Variants in ABCC10 observed in about 807,000 individuals in gnomAD.
The protein encoded by ABCC10 is ATP-binding cassette sub-family C member 10.
Under a neutral mutation model 143.2 loss-of-function variants are expected in ABCC10, and 110 were observed. The ratio of observed to expected loss-of-function variants is 0.77; its 90% CI spans 0.66 to 0.90. The LOEUF (loss-of-function observed/expected upper bound fraction) is 0.90. Among genes scored for constraint, ABCC10 ranks in the 40% least tolerant of loss-of-function variants. The probability of loss-of-function intolerance (pLI) is 0.00; values close to 1 mark genes in which losing one functional copy is unlikely to be tolerated. For synonymous variants in ABCC10, 805 were observed against 846.7 expected, an observed-to-expected ratio of 0.95 and a Z score of 0.85; for missense variants, 1,700 against 1,900.5, an observed-to-expected ratio of 0.89 and a Z score of 1.96.
intron 2 of ABCC10, chr6:43,431,637 C>T (rs776691029): frequency 8.6e-6 from 2 of 231,440 alleles, no homozygotes; most frequent in Non-Finnish European, 1.4e-5. Flanking sequence ...GCTAGGATTA[C>T]AGGCGTGAGC....
chr6:43,446,075 C>T (rs1369135553), intron 15 of ABCC10, 133 bp downstream of exon 15: 2 of 1,206,774 alleles, frequency 1.7e-6, no homozygotes, highest in Non-Finnish European at 2.3e-6. Flanking sequence ...AGGAAAGCAA[C>T]AGAAGAAGGA....
chr6:43,448,191 AC>A (rs1306224495), intron 18 of ABCC10: 1 of 627,656 alleles, frequency 1.6e-6, no homozygotes, highest in Non-Finnish European at 2.9e-6. Context: ...TGTACTTCCT[AC>A]CATACACCCT....
chr6:43,439,966 CGT>C (rs1782186581), intron 8 of ABCC10, among the ~76,000 whole-genome samples: 4 of 150,590 alleles, frequency 2.7e-5, no homozygotes, highest in Admixed American at 2.6e-4. Flanking sequence ...TTTACTTTTT[CGT>C]GTGTGTGAGA....
At chr6:43,446,052 G>C (rs1783037083) in intron 15 of ABCC10, 110 bp downstream of exon 15, 2 of 1,293,598 alleles carry the variant, frequency 1.5e-6, no homozygotes, top group Admixed American at 5.2e-5. Context: ...CTGGGGACAA[G>C]GGATGGGGAA....
intron 18 of ABCC10, chr6:43,448,176 T>C: frequency 1.5e-6 from 1 of 674,330 alleles, no homozygotes; most frequent in Non-Finnish European, 2.7e-6. Flanking sequence ...CAGCTTCATC[T>C]TTCTTGTACT....
chr6:43,432,494 C>A lies in ABCC10; in HGVS notation c.514C>A (p.Leu172Ile). 6.2e-7 allele frequency: 1 copy of A among 1,612,082 alleles called. No individual in the cohort carries two copies. Among genetic ancestry groups the A allele is most frequent in the South Asian group, 1.1e-5 (1 of 91,088 alleles). Residue 172 changes from leucine to isoleucine, a missense_variant, in exon 3 of 22, where the codon CTA (leucine) becomes ATA (isoleucine). Physicochemically the swap from Leu to Ile is conservative, Grantham distance 5. Transcript: ENST00000372530. ...ACTTCTCCCAGGGCCCATGGCCCGC[C>A]TATGCTTGCTCATCCTGCAGCTGGC... ...PPLLPGPMAR[L>I]CLLILQLAAL...
In ABCC10 at chr6:43,428,133, C is replaced by T; in HGVS notation, c.155C>T (p.Thr52Ile). The T allele has an allele frequency of 6.5e-7, 1 of 1,535,658 alleles. No individual in the cohort carries two copies. The highest frequency in any genetic ancestry group is 8.8e-7 in the Non-Finnish European group (1 of 1,142,838). Residue 52 changes from threonine (T) to isoleucine (I), a missense_variant, in exon 2 of 22, where the codon ACC (threonine) becomes ATC (isoleucine). Physicochemically the swap from Thr to Ile is moderately conservative, Grantham distance 89. Coordinates refer to ENST00000372530, the MANE Select transcript of ABCC10 (RefSeq NM_001198934.2). ...LAVLSACYLG[T>I]PRSPDYILPC... ...GTGCTCAGTGCCTGTTACTTGGGCA[C>T]CCCGAGGTGGGTAGAGACGGGCGCA... is the stretch of plus-strand genomic sequence containing the variant.
At position 43,427,756 on chromosome 6, in the gene ABCC10, A is replaced by G; in HGVS notation, c.-13A>G. The stretch of plus-strand genomic sequence containing the variant: ...AACGGGAGGGGAAAAACAGATGGCA[A>G]GGTGGGTGACCAGCGTCCAGAAATC... On this transcript the variant is annotated splice_region_variant and 5_prime_UTR_variant, in exon 1 of 22. Coordinates refer to ENST00000372530, the MANE Select transcript of ABCC10 (RefSeq NM_001198934.2). The G allele has an allele frequency of 1.7e-6, 1 of 605,436 alleles. No homozygotes were observed. Among genetic ancestry groups the G allele is most frequent in the African/African-American group, 1.8e-5 (1 of 54,402 alleles). 37.5% of individuals were successfully genotyped at this position (605,436 alleles called of 1,614,324 possible). A position where few individuals can be genotyped will look rare whatever the true frequency, so the allele number is the denominator to read the frequency against.
In ABCC10 at chr6:43,443,906, C is replaced by T; in HGVS notation, c.2417-27C>T. The T allele has an allele frequency of 1.9e-6, 3 of 1,588,496 alleles. No homozygotes were observed. The highest frequency in any genetic ancestry group is 2.6e-6 in the Non-Finnish European group (3 of 1,156,564). On this transcript the variant is annotated intron_variant, in intron 10 of 21. Transcript: ENST00000372530. The surrounding 1 kb of genome is among the most constrained non-coding windows in gnomAD (Gnocchi z 4.2). ...CATAGTATAGACTCAGAACAGTCCT[C>T]TCCCAATCTCCCCTTCTACCCTCCA...
intron 8 of ABCC10, 39 bp downstream of exon 8, chr6:43,438,834 C>A: frequency 6.2e-7 from 1 of 1,608,060 alleles, no homozygotes; most frequent in Non-Finnish European, 8.5e-7. Flanking sequence ...CTGCCTGTTT[C>A]TCCAGTGTCC....
At position 43,435,841 on chromosome 6, in the gene ABCC10, T is replaced by A. The variant is rs1781643196; in HGVS notation, c.1699T>A (p.Ser567Thr). ...CAATGGTCTCCTGGAGGCCAAAGTG[T>A]CCTTGGACCGGATCCAGCTTTTCCT... ...VINGLLEAKV[S>T]LDRIQLFLDL... is the part of the protein sequence containing the mutation. The change falls in exon 5 of 22, where the codon TCC becomes ACC. Residue 567 changes from serine (S) to threonine (T), a missense_variant. Physicochemically the swap from Ser to Thr is moderately conservative, Grantham distance 58. Transcript: ENST00000372530. 4.3e-6 allele frequency: 7 copies of A among 1,614,122 alleles called. No individual in the cohort carries two copies. The highest frequency in any genetic ancestry group is 5.1e-6 in the Non-Finnish European group (6 of 1,180,030).
chr6:43,430,194 G>A (rs1013414455), intron 2 of ABCC10, among the ~76,000 whole-genome samples: 1 of 151,830 alleles, frequency 6.6e-6, no homozygotes, highest in African/African-American at 2.4e-5. Flanking sequence ...GGGTTCAAGC[G>A]ATTCTCCTGC....
chr6:43,451,183 G>A (rs1339879064), downstream of ABCC10: 5 of 1,614,058 alleles, frequency 3.1e-6, no homozygotes, highest in South Asian at 1.1e-5. This position sits in a 1 kb window ranked among gnomAD's most constrained non-coding sequence, Gnocchi z 4.4. Context: ...ACCTCACAGC[G>A]GGCACCCACA....
Position 43,432,984 on chromosome 6 carries a change from T to G in ABCC10, c.1004T>G (p.Val335Gly), listed in dbSNP as rs559072013. 1.9e-6 allele frequency: 3 copies of G among 1,614,170 alleles called. No homozygotes were observed. In the South Asian group the frequency reaches 3.3e-5, roughly 18 times the overall value. The change falls in exon 3 of 22, where the codon GTG becomes GGG. Residue 335 changes from valine (V) to glycine (G), a missense_variant. Physicochemically the swap from Val to Gly is moderately radical, Grantham distance 109. Transcript: ENST00000372530. ...LYALGLAGGA[V>G]LGAVLQNQYG... is the part of the protein sequence containing the mutation. ...GCTCTGGGGCTAGCCGGTGGGGCTG[T>G]GCTGGGTGCTGTGCTGCAGAATCAG...
At chr6:43,429,198 A>C (rs1339755278) in intron 2 of ABCC10, among the ~76,000 whole-genome samples, 3 of 151,530 alleles carry the variant, frequency 2.0e-5, no homozygotes, top group African/African-American at 7.3e-5. Context: ...CTGGTGAGGA[A>C]AGTGAGATTC....
Position 43,447,287 on chromosome 6 carries a change from C to A in ABCC10, c.3584C>A (p.Thr1195Lys), listed in dbSNP as rs144841064. Reference protein sequence around the residue: ...GLSLSYALSLTGLLSGLVSSF... With the variant: ...GLSLSYALSLKGLLSGLVSSF... ...TCGCTGTCTTATGCCCTGTCCCTGA[C>A]GGGCCTGCTCTCGGGCCTGGTGAGC... The change falls in exon 17 of 22, where the codon ACG (threonine) becomes AAG (lysine). Residue 1195 changes from threonine (T) to lysine (K), a missense_variant. Thr to Lys is a moderately conservative substitution (Grantham distance 78, BLOSUM62 -1). Transcript: ENST00000372530. 4 of 1,613,682 alleles carry A rather than the reference C, an allele frequency of 2.5e-6. No individual in the cohort carries two copies. Among genetic ancestry groups the A allele is most frequent in the Non-Finnish European group, 2.5e-6 (3 of 1,180,010 alleles).
At chr6:43,437,433 C>CA (rs57827467) in intron 6 of ABCC10, among the ~76,000 whole-genome samples, 1,697 of 101,594 alleles carry the variant, frequency 0.017, 16 homozygotes, top group Middle Eastern at 0.024. Context: ...AACATATGAC[C>CA]AAAAAAAAAA....
At chr6:43,451,573 C>T (rs1783742157), downstream of ABCC10, among the ~76,000 whole-genome samples, 2 of 152,052 alleles carry the variant, frequency 1.3e-5, no homozygotes, top group South Asian at 4.2e-4. The surrounding 1 kb of genome is among the most constrained non-coding windows in gnomAD (Gnocchi z 4.4). Flanking sequence ...GAGGACAAGT[C>T]CAGCCCTGCA....
In ABCC10 at chr6:43,438,608, G is replaced by T. The variant is rs201341226; in HGVS notation, c.1956-16G>T. 1.9e-6 allele frequency: 3 copies of T among 1,612,432 alleles called. No homozygotes were observed. In the South Asian group the frequency reaches 3.3e-5, roughly 18 times the overall value. Reference sequence around the variant, plus strand: ...AGGAGAGCTGGTCCTCATATTGCTCGCCTGGCTCTCTGCAGGCTGCGTGGG... The same window carrying T: ...AGGAGAGCTGGTCCTCATATTGCTCTCCTGGCTCTCTGCAGGCTGCGTGGG... On this transcript the variant is annotated splice_polypyrimidine_tract_variant and intron_variant, in intron 7 of 21. Coordinates refer to ENST00000372530, the MANE Select transcript of ABCC10 (RefSeq NM_001198934.2).
Sources: gnomAD v4.1 joint callset for allele counts (sites outside exome capture counted in the v4.1 genomes callset) on GRCh38, gnomAD v4.1.1 for gene constraint, Gnocchi (gnomAD v3.1) non-coding constraint, MANE v1.5 for transcripts, NCBI Gene and HGNC (gene_info 2026-07-23, HGNC 2026-07-21) for gene names.